The following CACNA2D3 variants were observed in gnomAD, a reference collection of about 807,000 sequenced individuals.
CACNA2D3 encodes the protein voltage-dependent calcium channel subunit alpha-2/delta-3.
In CACNA2D3, 60 loss-of-function variants were observed where a neutral mutation model predicts 160.6. That is an observed-to-expected ratio of 0.37 (90% CI 0.30 to 0.46). The LOEUF is 0.46. Ranked by LOEUF, CACNA2D3 falls within the 20% of genes least tolerant of loss-of-function variation. The pLI, the probability that CACNA2D3 is intolerant of heterozygous loss-of-function variation, is 1.00. For missense variants in CACNA2D3, 1,205 were observed against 1,365.0 expected (o/e 0.88, Z 1.85); for synonymous variants, 558 against 492.9 (o/e 1.13, Z -1.75).
intron 20 of CACNA2D3, 101 bp downstream of exon 20, chr3:54,879,512 A>T (rs1699742643): frequency 1.2e-6 from 1 of 859,782 alleles, no homozygotes; most frequent in East Asian, 2.6e-5. Flanking sequence ...AAGATAACCA[A>T]ACACCCTGCC....
chr3:54,506,086 C>T (rs1701364068), intron 5 of CACNA2D3, among the ~76,000 whole-genome samples: 1 of 152,206 alleles, frequency 6.6e-6, no homozygotes. Flanking sequence ...GGCAGTGAAT[C>T]ACTGCCCAAG....
chr3:54,784,250 A>T (rs1248404211), intron 13 of CACNA2D3, among the ~76,000 whole-genome samples: 3 of 152,206 alleles, frequency 2.0e-5, no homozygotes, highest in Non-Finnish European at 4.4e-5. Flanking sequence ...CAAGTTTAGC[A>T]GCCTGGGAAC....
At chr3:54,552,128 A>C (rs2106687079) in intron 5 of CACNA2D3, among the ~76,000 whole-genome samples, 1 of 152,210 alleles carries the variant, frequency 6.6e-6, no homozygotes, top group Non-Finnish European at 1.5e-5. Flanking sequence ...CCAAATGCTG[A>C]TAGTGATGCA....
At chr3:54,838,726 ACT>A in intron 16 of CACNA2D3, 78 bp downstream of exon 16, 1 of 1,100,538 alleles carries the variant, frequency 9.1e-7, no homozygotes, top group Non-Finnish European at 1.4e-6. Flanking sequence ...CAGGCTTCAA[ACT>A]CTACTTTGGA....
At chr3:54,334,119 TCTCA>T (rs1357394862) in intron 3 of CACNA2D3, among the ~76,000 whole-genome samples, 2 of 152,016 alleles carry the variant, frequency 1.3e-5, no homozygotes, top group Non-Finnish European at 2.9e-5. Flanking sequence ...TGAGACAGAG[TCTCA>T]CTCTGCTAGC....
chr3:55,020,484 A>G (rs774255981), intron 35 of CACNA2D3, among the ~76,000 whole-genome samples: 34 of 150,456 alleles, frequency 2.3e-4, no homozygotes, highest in Non-Finnish European at 3.2e-4. Flanking sequence ...TATATGTAGT[A>G]TATATTATAT....
At chr3:54,603,252 C>T (rs1559523972) in intron 9 of CACNA2D3, among the ~76,000 whole-genome samples, 1 of 152,048 alleles carries the variant, frequency 6.6e-6, no homozygotes, top group Non-Finnish European at 1.5e-5. Flanking sequence ...AGAAGCGCTG[C>T]CCCCCACCAC....
intron 2 of CACNA2D3, among the ~76,000 whole-genome samples, chr3:54,246,561 CGGCTGTCTGT>C (rs1559894678): frequency 0.14 from 490 of 3,472 alleles, 9 homozygotes; most frequent in East Asian, 0.28. Flanking sequence ...GGCGTGGTTG[CGGCTGTCTGT>C]AATCCCAGCT....
intron 2 of CACNA2D3, among the ~76,000 whole-genome samples, chr3:54,252,286 T>C (rs1188136930): frequency 6.6e-6 from 1 of 152,022 alleles, no homozygotes; most frequent in African/African-American, 2.4e-5. Flanking sequence ...TACCAGAAAT[T>C]ATTTATAATT....
At chr3:54,154,169 C>G (rs1311737570) in intron 2 of CACNA2D3, among the ~76,000 whole-genome samples, 10 of 152,284 alleles carry the variant, frequency 6.6e-5, no homozygotes, top group African/African-American at 2.4e-4. Flanking sequence ...TATTTTCTTT[C>G]ATTCAAACTC....
At chr3:54,334,881 C>G in intron 3 of CACNA2D3, among the ~76,000 whole-genome samples, 1 of 152,222 alleles carries the variant, frequency 6.6e-6, no homozygotes, top group East Asian at 1.9e-4. Context: ...TCACTCAGCT[C>G]AGATCCTGTC....
chr3:54,413,235 GTGTTTCTGATGATATA>G (rs1699698372), intron 4 of CACNA2D3, among the ~76,000 whole-genome samples: 1 of 151,146 alleles, frequency 6.6e-6, no homozygotes, highest in African/African-American at 2.4e-5. Context: ...CTGATCTTTA[GTGTTTCTGATGATATA>G]TCCGCCAACA....
chr3:54,878,392 G>C (rs1017167535), intron 18 of CACNA2D3, among the ~76,000 whole-genome samples: 1 of 152,092 alleles, frequency 6.6e-6, no homozygotes, highest in African/African-American at 2.4e-5. Context: ...GGTCAGCTGG[G>C]GGTGGGGGAG....
chr3:54,879,946 C>G (rs1575527226), intron 20 of CACNA2D3, among the ~76,000 whole-genome samples: 1 of 152,322 alleles, frequency 6.6e-6, no homozygotes, highest in South Asian at 2.1e-4. Flanking sequence ...GTGTATGTAG[C>G]ATTCTAAAGT....
chr3:54,568,772 CAAG>C (rs779264284), intron 6 of CACNA2D3, among the ~76,000 whole-genome samples: 2 of 152,132 alleles, frequency 1.3e-5, no homozygotes, highest in Non-Finnish European at 2.9e-5. Context: ...AATGTAGGTA[CAAG>C]AAGGACAGAA....
At chr3:54,458,648 AGG>A (rs1457019777) in intron 4 of CACNA2D3, among the ~76,000 whole-genome samples, 1 of 151,940 alleles carries the variant, frequency 6.6e-6, no homozygotes, top group Non-Finnish European at 1.5e-5. Context: ...TGCCTCAGAG[AGG>A]ACCTTTTTGG....
At chr3:54,128,533 G>A (rs1260678900) in intron 2 of CACNA2D3, among the ~76,000 whole-genome samples, 2 of 152,134 alleles carry the variant, frequency 1.3e-5, no homozygotes, top group Non-Finnish European at 1.5e-5. Context: ...ACATTTTCAC[G>A]AAGGAGCCTG....
At chr3:54,856,823 C>T (rs560518619) in intron 17 of CACNA2D3, among the ~76,000 whole-genome samples, 2 of 152,212 alleles carry the variant, frequency 1.3e-5, no homozygotes, top group East Asian at 3.9e-4. Context: ...CTTTGTTGCC[C>T]AGGCTGGAGT....
intron 35 of CACNA2D3, among the ~76,000 whole-genome samples, chr3:55,029,976 T>A (rs1445782035): frequency 1.3e-5 from 2 of 152,214 alleles, no homozygotes; most frequent in Non-Finnish European, 2.9e-5. Flanking sequence ...TTTGTTTAAT[T>A]TCTAAACGAG....
Sources: gnomAD v4.1 joint callset for allele counts (sites outside exome capture counted in the v4.1 genomes callset) on GRCh38, gnomAD v4.1.1 for gene constraint, MANE v1.5 for transcripts, NCBI Gene and HGNC (gene_info 2026-07-23, HGNC 2026-07-21) for gene names.